CREB1: variants seen among roughly 807,000 people sequenced by gnomAD.
The protein encoded by CREB1 is cAMP responsive element binding protein 1.
Under a neutral mutation model 42.0 loss-of-function variants are expected in CREB1, and 2 were observed. The ratio of observed to expected loss-of-function variants is 0.05; its 90% CI spans 0.02 to 0.15. CREB1 has a LOEUF of 0.15. Ranked by LOEUF, CREB1 falls within the 10% of genes least tolerant of loss-of-function variation. The pLI, the probability that CREB1 is intolerant of heterozygous loss-of-function variation, is 1.00. For synonymous variants in CREB1, 123 were observed against 139.9 expected (o/e 0.88, Z 0.85); for missense variants, 199 against 388.9 (o/e 0.51, Z 4.11).
At chr2:207,573,398 C>T (rs970974925) in intron 5 of CREB1, among the ~76,000 whole-genome samples, 2 of 152,086 alleles carry the variant, frequency 1.3e-5, no homozygotes, top group African/African-American at 4.8e-5. Context: ...TGGCTAGAAC[C>T]CAGATGCTTT....
rs2087515882 is a variant in CREB1, at chr2:207,603,613, A to G, written c.*6555A>G. ...TACTGGATCCCTAATTTTCAGGACAAAACCTGTTTTTCAATAAGATTGAAC... is the reference window on the plus strand; with the variant it reads ...TACTGGATCCCTAATTTTCAGGACAGAACCTGTTTTTCAATAAGATTGAAC... On this transcript the variant is annotated 3_prime_UTR_variant, in exon 8 of 8. Coordinates refer to ENST00000353267, the MANE Select transcript of CREB1 (RefSeq NM_004379.5). 6.6e-6 allele frequency among the ~76,000 whole-genome samples: 1 copy of G among 152,214 alleles called. No homozygotes were observed. The highest frequency in any genetic ancestry group is 1.5e-5 in the Non-Finnish European group (1 of 68,014).
chr2:207,549,345 T>C (rs1207674004), intron 1 of CREB1, among the ~76,000 whole-genome samples: 1 of 152,120 alleles, frequency 6.6e-6, no homozygotes, highest in South Asian at 2.1e-4. Flanking sequence ...TTTCCAGTAT[T>C]GATTAGATAA....
Position 207,597,676 on chromosome 2 carries a change from G to C in CREB1, c.*618G>C. On this transcript the variant is annotated 3_prime_UTR_variant, in exon 8 of 8. Transcript: ENST00000353267. ...TCTTCAATACTGAAAATTTGTCCTT[G>C]GTTCTTAAAAGCATTCTGTACTAAT... is the stretch of plus-strand genomic sequence containing the variant. The C allele has an allele frequency of 4.8e-6, 1 of 206,528 alleles. No individual in the cohort carries two copies. The highest frequency in any genetic ancestry group is 9.9e-6 in the Non-Finnish European group (1 of 101,050). The allele number at this position is 206,528 out of a possible 1,614,324, so 12.8% of individuals were successfully genotyped here. A position where few individuals can be genotyped will look rare whatever the true frequency, so the allele number is the denominator to read the frequency against.
chr2:207,578,582 A>G (rs2082683144), intron 7 of CREB1, among the ~76,000 whole-genome samples: 1 of 152,210 alleles, frequency 6.6e-6, no homozygotes, highest in Admixed American at 6.5e-5. Context: ...GTAAGAGTCA[A>G]GTAAGAGAAT....
Position 207,604,953 on chromosome 2 carries a change from A to G in CREB1, c.*7895A>G, listed in dbSNP as rs1181246052. 6.6e-6 allele frequency among the ~76,000 whole-genome samples: 1 copy of G among 152,176 alleles called. No individual in the cohort carries two copies. Among genetic ancestry groups the G allele is most frequent in the African/African-American group, 2.4e-5 (1 of 41,432 alleles). ...CTTTTTATAGTAAGTATGCCATTGTAGATATATACCACAAGTTTATCGATT... is the reference window on the plus strand; with the variant it reads ...CTTTTTATAGTAAGTATGCCATTGTGGATATATACCACAAGTTTATCGATT... On this transcript the variant is annotated 3_prime_UTR_variant, in exon 8 of 8. Coordinates refer to ENST00000353267, the MANE Select transcript of CREB1 (RefSeq NM_004379.5).
At chr2:207,553,062 C>CTTTTTTT (rs10561230) in intron 1 of CREB1, among the ~76,000 whole-genome samples, 1 of 63,214 alleles carries the variant, frequency 1.6e-5, no homozygotes, top group African/African-American at 5.8e-5. Flanking sequence ...TACAGGTAGA[C>CTTTTTTT]TTTTTTTTTT....
chr2:207,551,020 A>C (rs766849351), intron 1 of CREB1, among the ~76,000 whole-genome samples: 1 of 152,170 alleles, frequency 6.6e-6, no homozygotes, highest in Non-Finnish European at 1.5e-5. Flanking sequence ...TTTCTATGCA[A>C]AGTCTCTTAT....
intron 6 of CREB1, 118 bp from the exon 7 acceptor site, chr2:207,577,387 T>A: frequency 7.5e-7 from 1 of 1,328,992 alleles, no homozygotes; most frequent in African/African-American, 1.5e-5. Context: ...GCCAGAATCA[T>A]CTTTTCTTTT....
chr2:207,599,165 A>C lies in CREB1; in HGVS notation c.*2107A>C. The C allele has an allele frequency of 5.1e-6, 1 of 197,680 alleles. No individual in the cohort carries two copies. Among genetic ancestry groups the C allele is most frequent in the Non-Finnish European group, 1.0e-5 (1 of 95,540 alleles). 12.2% of individuals were successfully genotyped at this position (197,680 alleles called of 1,614,324 possible). On this transcript the variant is annotated 3_prime_UTR_variant, in exon 8 of 8. Transcript: ENST00000353267. ...TGGACAGTTCACCAGATTCTCAAGA[A>C]GGCTTTCAAACAACTATAAAGTTTG...
intron 4 of CREB1, 152 bp from the exon 5 acceptor site, chr2:207,570,027 C>G (rs2082295095): frequency 2.0e-6 from 1 of 512,736 alleles, no homozygotes; most frequent in East Asian, 3.7e-5. Flanking sequence ...GGCGACAGAG[C>G]AAGACTCCAT....
intron 1 of CREB1, among the ~76,000 whole-genome samples, chr2:207,553,315 C>T (rs1057105456): frequency 1.3e-4 from 20 of 152,062 alleles, no homozygotes; most frequent in Admixed American, 8.5e-4. Flanking sequence ...GCGATCCACC[C>T]GCTTTGGCCT....
At chr2:207,545,859 G>A (rs750993979) in intron 1 of CREB1, among the ~76,000 whole-genome samples, 7 of 151,336 alleles carry the variant, frequency 4.6e-5, no homozygotes, top group African/African-American at 9.7e-5. Context: ...TCAGCCTCCC[G>A]AGTAGCTGGG....
chr2:207,585,655 A>G (rs1268622718), intron 7 of CREB1, among the ~76,000 whole-genome samples: 1 of 152,248 alleles, frequency 6.6e-6, no homozygotes, highest in Non-Finnish European at 1.5e-5. Flanking sequence ...AAGAAACAAC[A>G]GAACACAGAT....
At chr2:207,547,930 A>T (rs1574795192) in intron 1 of CREB1, among the ~76,000 whole-genome samples, 1 of 146,288 alleles carries the variant, frequency 6.8e-6, no homozygotes, top group Non-Finnish European at 1.5e-5. Context: ...ATATCAGATG[A>T]TTTTTTTTTT....
intron 1 of CREB1, among the ~76,000 whole-genome samples, chr2:207,536,784 GT>G (rs2080890582): frequency 6.6e-6 from 1 of 151,748 alleles, no homozygotes; most frequent in Non-Finnish European, 1.5e-5. Flanking sequence ...GAGGCCAGGA[GT>G]TTGAGACCAG....
intron 3 of CREB1, among the ~76,000 whole-genome samples, chr2:207,562,479 T>C (rs894184523): frequency 9.2e-5 from 14 of 152,002 alleles, no homozygotes; most frequent in African/African-American, 3.1e-4. Context: ...AAATATTCTC[T>C]TTTTTTTATT....
chr2:207,565,970 C>T (rs2082126152), intron 3 of CREB1, among the ~76,000 whole-genome samples: 1 of 152,174 alleles, frequency 6.6e-6, no homozygotes, highest in African/African-American at 2.4e-5. Context: ...GCTTCTTTGG[C>T]AGTAATTACA....
chr2:207,530,931 G>C (rs1315474699), intron 1 of CREB1, among the ~76,000 whole-genome samples: 1 of 150,026 alleles, frequency 6.7e-6, no homozygotes, highest in Non-Finnish European at 1.5e-5. Flanking sequence ...ATGAGAGCTT[G>C]TGCTTTTGGG....
At chr2:207,555,582 G>A (rs933171750) in intron 1 of CREB1, 46 bp from the exon 2 acceptor site, 1 of 1,268,324 alleles carries the variant, frequency 7.9e-7, no homozygotes, top group Non-Finnish European at 1.1e-6. Context: ...AGTCACGAAA[G>A]CACAAAGCAC....
Sources: gnomAD v4.1 joint callset for allele counts (sites outside exome capture counted in the v4.1 genomes callset) on GRCh38, gnomAD v4.1.1 for gene constraint, MANE v1.5 for transcripts, NCBI Gene and HGNC (gene_info 2026-07-23, HGNC 2026-07-21) for gene names.